Variants in PRTG observed in about 807,000 individuals in gnomAD.
PRTG encodes the protein immunoglobulin superfamily, DCC subclass, member 5.
In PRTG, 67 loss-of-function variants were observed where a neutral mutation model predicts 122.5. The observed-to-expected ratio is 0.55, with a 90% confidence interval of 0.45 to 0.67. The LOEUF (loss-of-function observed/expected upper bound fraction) is 0.67, where lower values mean the gene tolerates loss of function less well. PRTG is among the 30% of genes least tolerant of loss of function. The pLI, the probability that PRTG is intolerant of heterozygous loss-of-function variation, is 0.00. For synonymous variants in PRTG, 554 were observed against 501.1 expected, an observed-to-expected ratio of 1.11 and a Z score of -1.41; for missense variants, 1,435 against 1,415.4, an observed-to-expected ratio of 1.01 and a Z score of -0.22.
At chr15:55,728,348 T>G (rs1363480342) in intron 2 of PRTG, among the ~76,000 whole-genome samples, 15 of 152,130 alleles carry the variant, frequency 9.9e-5, no homozygotes. Flanking sequence ...TGAATATGGA[T>G]GCAAAATCTC....
intron 2 of PRTG, among the ~76,000 whole-genome samples, chr15:55,732,558 G>C (rs977144287): frequency 7.2e-5 from 10 of 139,818 alleles, no homozygotes; most frequent in African/African-American, 2.7e-4. Context: ...GCAATGGCGC[G>C]ATCTCAGCTT....
At chr15:55,734,755 AAAC>A (rs2031356533) in intron 2 of PRTG, among the ~76,000 whole-genome samples, 1 of 152,176 alleles carries the variant, frequency 6.6e-6, no homozygotes, top group East Asian at 1.9e-4. Context: ...GGTTAAAAAA[AAAC>A]ACACAAGGAA....
chr15:55,691,850 G>A (rs2059604436), intron 2 of PRTG, among the ~76,000 whole-genome samples: 1 of 151,794 alleles, frequency 6.6e-6, no homozygotes, highest in Admixed American at 6.6e-5. Flanking sequence ...CTGGGAAATA[G>A]GGCGAGACCC....
intron 11 of PRTG, among the ~76,000 whole-genome samples, chr15:55,662,354 T>C (rs1452630336): frequency 1.3e-5 from 2 of 152,238 alleles, no homozygotes; most frequent in African/African-American, 4.8e-5. Context: ...CAAATCATGA[T>C]AGTTTGTGCT....
At chr15:55,659,302 G>T (rs2059396670) in intron 11 of PRTG, among the ~76,000 whole-genome samples, 1 of 152,158 alleles carries the variant, frequency 6.6e-6, no homozygotes, top group South Asian at 2.1e-4. Context: ...GATAAATCAG[G>T]TTATTTAGAC....
chr15:55,686,429 C>T (rs1331330127), intron 2 of PRTG, among the ~76,000 whole-genome samples: 3 of 152,084 alleles, frequency 2.0e-5, no homozygotes, highest in Non-Finnish European at 4.4e-5. Flanking sequence ...AGAACAGAAG[C>T]TCCCCCAGCC....
chr15:55,737,562 T>TTC (rs2031450030), intron 2 of PRTG, among the ~76,000 whole-genome samples: 1 of 152,210 alleles, frequency 6.6e-6, no homozygotes, highest in Admixed American at 6.5e-5. Context: ...ATAACTAACT[T>TTC]TGCAGAAGAG....
intron 11 of PRTG, among the ~76,000 whole-genome samples, chr15:55,647,274 C>T (rs564667763): frequency 6.6e-5 from 10 of 152,080 alleles, no homozygotes; most frequent in Admixed American, 2.0e-4. Context: ...AGTGAAACTC[C>T]GTCTCAAAAT....
At chr15:55,629,097 T>G (rs554213944) in intron 15 of PRTG, 93 bp from the exon 16 acceptor site, 5 of 777,526 alleles carry the variant, frequency 6.4e-6, no homozygotes, top group Non-Finnish European at 9.6e-6. Context: ...TTAAAAATAT[T>G]TTTCTGATTA....
At chr15:55,692,764 A>C (rs2059610843) in intron 2 of PRTG, among the ~76,000 whole-genome samples, 1 of 151,386 alleles carries the variant, frequency 6.6e-6, no homozygotes, top group Non-Finnish European at 1.5e-5. Flanking sequence ...TTACAGAAAG[A>C]CATCTTTGAG....
intron 16 of PRTG, among the ~76,000 whole-genome samples, chr15:55,627,482 G>A (rs915319360): frequency 9.8e-5 from 14 of 142,600 alleles, no homozygotes; most frequent in South Asian, 7.0e-4. Context: ...CACCACCAAC[G>A]CCCAGCTAAG....
chr15:55,620,667 T>A lies in PRTG; in HGVS notation c.3194A>T (p.Glu1065Val), dbSNP rs779824133. ...FFQDSKKIQV[E>V]QPQRRFTPAV... ...TTTCTCATTTAGATAGGTTACCTGC[T>A]CAACTTGTATCTTCTTTGAGTCTTG... Residue 1065 changes from glutamate (E) to valine (V), a missense_variant, in exon 19 of 20, where the codon GAG becomes GTG. Glu to Val is a moderately radical substitution (Grantham distance 121, BLOSUM62 -2). Transcript: ENST00000389286. 3 of 1,588,210 alleles carry A rather than the reference T, an allele frequency of 1.9e-6. No individual in the cohort carries two copies. Among genetic ancestry groups the A allele is most frequent in the South Asian group, 1.2e-5 (1 of 85,358 alleles).
chr15:55,628,584 G>A (rs1305015121), intron 16 of PRTG, among the ~76,000 whole-genome samples: 2 of 152,112 alleles, frequency 1.3e-5, no homozygotes, highest in Non-Finnish European at 2.9e-5. Context: ...ACAGCTGGGA[G>A]AAGAAGTAAC....
intron 11 of PRTG, 123 bp downstream of exon 11, chr15:55,672,322 T>C (rs1032505527): frequency 2.0e-5 from 16 of 780,642 alleles, no homozygotes; most frequent in African/African-American, 5.2e-5. Context: ...CACACTGACA[T>C]AGTAAAATCA....
In PRTG at chr15:55,738,002, CTATATATATA is replaced by C. The variant is rs1178371931; in HGVS notation, c.397+2370_397+2379del. Among the ~76,000 whole-genome samples the C allele has an allele frequency of 1.2e-3, 113 of 96,678 alleles. 2 individuals carry two copies. Among genetic ancestry groups the C allele is most frequent in the Non-Finnish European group, 1.6e-3 (78 of 48,870 alleles). The allele number at this position is 96,678 out of a possible 152,430, so 63.4% of individuals were successfully genotyped here. Reference sequence around the variant, plus strand: ...TCTCTCTCTCTCTCTCTCTCTCTCTCTATATATATATATATATATATATACACACACACAC... The same window carrying C: ...TCTCTCTCTCTCTCTCTCTCTCTCTCTATATATATATATACACACACACAC... On this transcript the variant is annotated intron_variant, in intron 2 of 19. Coordinates refer to ENST00000389286, the MANE Select transcript of PRTG (RefSeq NM_173814.6).
intron 11 of PRTG, among the ~76,000 whole-genome samples, chr15:55,658,488 T>C (rs558234481): frequency 2.6e-5 from 4 of 152,232 alleles, no homozygotes; most frequent in African/African-American, 9.6e-5. Context: ...CAGCTAATTT[T>C]TGTATTTTTA....
rs1357604640 is a variant in PRTG, at chr15:55,617,900, T to A, written c.*2112A>T. ...GATAAAAGTTGGCCCTATATACTTC[T>A]ACTTACCAACCACAAAGCGCTATAC... On this transcript the variant is annotated 3_prime_UTR_variant, in exon 20 of 20. Coordinates refer to ENST00000389286, the MANE Select transcript of PRTG (RefSeq NM_173814.6). 1 of 152,192 alleles carries A rather than the reference T, an allele frequency of 6.6e-6. No homozygotes were observed. The highest frequency in any genetic ancestry group is 1.5e-5 in the Non-Finnish European group (1 of 68,040). 9.4% of individuals were successfully genotyped at this position (152,192 alleles called of 1,614,324 possible). A position where few individuals can be genotyped will look rare whatever the true frequency, so the allele number is the denominator to read the frequency against.
At chr15:55,640,292 C>T (rs1182114567) in intron 12 of PRTG, among the ~76,000 whole-genome samples, 1 of 152,200 alleles carries the variant, frequency 6.6e-6, no homozygotes, top group East Asian at 1.9e-4. Context: ...TAACAGGTTG[C>T]TCTATGAGAT....
At chr15:55,719,732 C>G (rs1489952188) in intron 2 of PRTG, among the ~76,000 whole-genome samples, 1 of 152,074 alleles carries the variant, frequency 6.6e-6, no homozygotes, top group Non-Finnish European at 1.5e-5. Flanking sequence ...GAAATTGTCT[C>G]ACTTAAGTTT....
Sources: allele counts gnomAD v4.1 joint callset (sites outside exome capture counted in the v4.1 genomes callset), GRCh38; gene constraint gnomAD v4.1.1; transcripts MANE v1.5; gene names NCBI Gene and HGNC (gene_info 2026-07-23, HGNC 2026-07-21).